Variants in MTMR12 observed in about 807,000 individuals in gnomAD.
MTMR12 encodes the protein myotubularin-related protein 12.
A neutral mutation model predicts 96.7 loss-of-function variants in MTMR12; 33 were observed. That is an observed-to-expected ratio of 0.34 (90% CI 0.26 to 0.46). The LOEUF (loss-of-function observed/expected upper bound fraction) is 0.46, where lower values mean the gene tolerates loss of function less well. Ranked by LOEUF, MTMR12 falls within the 20% of genes least tolerant of loss-of-function variation. The probability of loss-of-function intolerance (pLI) is 1.00; values close to 1 mark genes in which losing one functional copy is unlikely to be tolerated. For missense variants in MTMR12, 721 were observed against 896.1 expected, an observed-to-expected ratio of 0.80 and a Z score of 2.49; for synonymous variants, 298 against 327.2, an observed-to-expected ratio of 0.91 and a Z score of 0.96.
chr5:32,310,602 C>T (rs1363045106), intron 1 of MTMR12, among the ~76,000 whole-genome samples: 1 of 151,796 alleles, frequency 6.6e-6, no homozygotes, highest in East Asian at 1.9e-4. Flanking sequence ...AAAATTAAAA[C>T]ATTTGAACTC....
At chr5:32,272,277 C>T (rs766794809) in intron 3 of MTMR12, among the ~76,000 whole-genome samples, 12 of 151,688 alleles carry the variant, frequency 7.9e-5, no homozygotes, top group African/African-American at 2.7e-4. Context: ...GGTGACAGAA[C>T]GAGACTCTGT....
Position 32,233,872 on chromosome 5 carries a change from C to G in MTMR12, c.1575G>C (p.Ser525=). The G allele has an allele frequency of 1.2e-6, 2 of 1,614,138 alleles. No individual in the cohort carries two copies. The highest frequency in any genetic ancestry group is 8.5e-7 in the Non-Finnish European group (1 of 1,180,032). The part of the protein sequence containing the change: ...PLNLLTVWDW[S]VQFEPKAQTL... Reference sequence around the variant, plus strand: ...TCTGGGCTTTGGGTTCAAACTGCACCGACCAATCCCACACGGTGAGCAGAT... The same window carrying G: ...TCTGGGCTTTGGGTTCAAACTGCACGGACCAATCCCACACGGTGAGCAGAT... The change falls in exon 15 of 16, where the codon TCG becomes TCC. Residue 525 remains serine (S), a synonymous_variant. Transcript: ENST00000382142. The surrounding 1 kb of genome is among the most constrained non-coding windows in gnomAD (Gnocchi z 5.0).
At chr5:32,296,026 G>A (rs536387094) in intron 1 of MTMR12, among the ~76,000 whole-genome samples, 77 of 152,256 alleles carry the variant, frequency 5.1e-4, no homozygotes, top group African/African-American at 1.8e-3. Flanking sequence ...GGGCATGGTG[G>A]CACATGCCTG....
intron 10 of MTMR12, chr5:32,247,778 C>T (rs907479633): frequency 1.0e-5 from 10 of 985,172 alleles, no homozygotes; most frequent in Non-Finnish European, 1.2e-5. Context: ...GGAGGGTGGC[C>T]GTGTGATCAC....
At position 32,312,483 on chromosome 5, in the gene MTMR12, C is replaced by T. The variant is rs1751637214; in HGVS notation, c.81+275G>A. Among the ~76,000 whole-genome samples the T allele has an allele frequency of 6.6e-6, 1 of 152,216 alleles. No homozygotes were observed. Among genetic ancestry groups the T allele is most frequent in the South Asian group, 2.1e-4 (1 of 4,838 alleles). On this transcript the variant is annotated intron_variant, in intron 1 of 15. Transcript: ENST00000382142. This position sits in a 1 kb window ranked among gnomAD's most constrained non-coding sequence, Gnocchi z 5.0. The stretch of plus-strand genomic sequence containing the variant: ...CCTCTCCAGAATCCCCAGGGGCGTT[C>T]CGGGCCGCAATCCCTTCTCGGCTCG...
intron 10 of MTMR12, among the ~76,000 whole-genome samples, chr5:32,246,634 A>G (rs555740779): frequency 2.6e-5 from 4 of 152,300 alleles, no homozygotes; most frequent in Admixed American, 6.5e-5. Flanking sequence ...TGCAGGCTTT[A>G]TCTTCAACAT....
intron 2 of MTMR12, 131 bp from the exon 3 acceptor site, chr5:32,274,253 C>G (rs1749962899): frequency 9.1e-7 from 1 of 1,099,694 alleles, no homozygotes; most frequent in African/African-American, 1.6e-5. Context: ...GAACTTTACA[C>G]TTTTCAGCAT....
chr5:32,266,678 A>C (rs1749608581), intron 6 of MTMR12, among the ~76,000 whole-genome samples: 1 of 150,718 alleles, frequency 6.6e-6, no homozygotes, highest in African/African-American at 2.4e-5. Flanking sequence ...ACAGTGTGAG[A>C]GTCGTCTCAA....
chr5:32,300,684 T>C lies in MTMR12; in HGVS notation c.81+12074A>G, dbSNP rs146294577. Among the ~76,000 whole-genome samples, 670 of 152,266 alleles carry C rather than the reference T, an allele frequency of 4.4e-3. 7 individuals carry two copies. Among genetic ancestry groups the C allele is most frequent in the African/African-American group, 0.015 (637 of 41,550 alleles). On this transcript the variant is annotated intron_variant, in intron 1 of 15. Transcript: ENST00000382142. ...GGTTCTTCCTGTCACCCTTTTAGCATAGATCATCTTTATTCAGCAGGTAGC... is the reference window on the plus strand; with the variant it reads ...GGTTCTTCCTGTCACCCTTTTAGCACAGATCATCTTTATTCAGCAGGTAGC...
rs764229210 is a variant in MTMR12, at chr5:32,235,022, C to T, written c.1452G>A (p.Leu484=). The change falls in exon 14 of 16, where the codon CTG becomes CTA. Residue 484 remains leucine (L), a synonymous_variant. Transcript: ENST00000382142. ...AGAAGGTGCTAAAAATAGGTATATA[C>T]AGGCTATCTGACAAAACAGTCAGGT... is the stretch of plus-strand genomic sequence containing the variant. The part of the protein sequence containing the change: ...ETYLTVLSDS[L]YIPIFSTFFF... 6 of 1,613,824 alleles carry T rather than the reference C, an allele frequency of 3.7e-6. No homozygotes were observed. The South Asian group carries it at 5.5e-5, about 15-fold the overall frequency.
intron 13 of MTMR12, 24 bp from the exon 14 acceptor site, chr5:32,235,153 C>G (rs772545352): frequency 6.2e-7 from 1 of 1,601,010 alleles, no homozygotes; most frequent in Non-Finnish European, 8.5e-7. Flanking sequence ...AGATACGTTA[C>G]TTGGTGGGCA....
intron 1 of MTMR12, among the ~76,000 whole-genome samples, chr5:32,291,103 C>G (rs892580256): frequency 1.3e-5 from 2 of 152,180 alleles, no homozygotes; most frequent in African/African-American, 4.8e-5. Flanking sequence ...TCCACACCTG[C>G]CACCGTACCT....
chr5:32,261,508 A>G (rs1164081039), intron 7 of MTMR12, among the ~76,000 whole-genome samples: 1 of 152,014 alleles, frequency 6.6e-6, no homozygotes, highest in Non-Finnish European at 1.5e-5. Context: ...ACCATGTAAA[A>G]CCTTCCTGAC....
intron 4 of MTMR12, among the ~76,000 whole-genome samples, chr5:32,271,433 C>T (rs1288922875): frequency 6.6e-6 from 1 of 152,118 alleles, no homozygotes; most frequent in African/African-American, 2.4e-5. Flanking sequence ...CAAAAACATT[C>T]GGAAGTGGAA....
At chr5:32,287,378 T>C (rs1343328449) in intron 1 of MTMR12, among the ~76,000 whole-genome samples, 1 of 152,214 alleles carries the variant, frequency 6.6e-6, no homozygotes, top group Non-Finnish European at 1.5e-5. Flanking sequence ...GCAGCCTACA[T>C]CTTTCTCCTG....
At chr5:32,295,554 T>C (rs1750892786) in intron 1 of MTMR12, among the ~76,000 whole-genome samples, 1 of 152,238 alleles carries the variant, frequency 6.6e-6, no homozygotes, top group African/African-American at 2.4e-5. Context: ...TTCAGAGGGC[T>C]ACTTGGAAAC....
chr5:32,288,454 T>C (rs1465340687), intron 1 of MTMR12, among the ~76,000 whole-genome samples: 1 of 152,130 alleles, frequency 6.6e-6, no homozygotes, highest in African/African-American at 2.4e-5. Context: ...ACACCCCTGT[T>C]TGCTTCTAGA....
Position 32,233,116 on chromosome 5 carries a change from G to C in MTMR12, c.1674+657C>G. 8.5e-6 allele frequency: 6 copies of C among 705,364 alleles called. No homozygotes were observed. The highest frequency in any genetic ancestry group is 1.0e-5 in the Non-Finnish European group (6 of 574,548). The allele number at this position is 705,364 out of a possible 1,614,324, so 43.7% of individuals were successfully genotyped here. On this transcript the variant is annotated intron_variant, in intron 15 of 15. Coordinates refer to ENST00000382142, the MANE Select transcript of MTMR12 (RefSeq NM_001040446.3). The surrounding 1 kb of genome is among the most constrained non-coding windows in gnomAD (Gnocchi z 5.0). ...CATTTGTGGCTCATAGCATAGGTCA[G>C]CAAACTGGCCACCCCTCCGGCCAAA...
intron 1 of MTMR12, among the ~76,000 whole-genome samples, chr5:32,303,847 C>CAAAA (rs57459005): frequency 5.8e-5 from 4 of 68,384 alleles, no homozygotes; most frequent in Admixed American, 3.8e-4. Context: ...TTTGCCATCT[C>CAAAA]AAAAAAAAAA....
Sources: gnomAD v4.1 joint callset for allele counts (sites outside exome capture counted in the v4.1 genomes callset) on GRCh38, gnomAD v4.1.1 for gene constraint, Gnocchi (gnomAD v3.1) non-coding constraint, MANE v1.5 for transcripts, NCBI Gene and HGNC (gene_info 2026-07-23, HGNC 2026-07-21) for gene names.